SMPD4: variants seen among roughly 807,000 people sequenced by gnomAD.
SMPD4 encodes the protein neutral sphingomyelinase 3.
In SMPD4, 58 loss-of-function variants were observed where a neutral mutation model predicts 97.8. That is an observed-to-expected ratio of 0.59 (90% CI 0.48 to 0.74). SMPD4 has a LOEUF of 0.74. Among genes scored for constraint, SMPD4 ranks in the 30% least tolerant of loss-of-function variants. The probability of loss-of-function intolerance (pLI) is 0.00; values close to 1 mark genes in which losing one functional copy is unlikely to be tolerated. For synonymous variants in SMPD4, 388 were observed against 450.0 expected (o/e 0.86, Z 1.74); for missense variants, 853 against 1,080.5 (o/e 0.79, Z 2.95).
At chr2:130,181,629 G>A, upstream of SMPD4, 2 of 1,572,986 alleles carry the variant, frequency 1.3e-6, no homozygotes, top group Non-Finnish European at 1.7e-6. Flanking sequence ...CACGCCCCGC[G>A]GCCGGGCGGG....
At chr2:130,180,112 C>T (rs1321573683) in intron 1 of SMPD4, among the ~76,000 whole-genome samples, 1 of 150,636 alleles carries the variant, frequency 6.6e-6, no homozygotes, top group Non-Finnish European at 1.5e-5. Flanking sequence ...TACAGGCGCC[C>T]GCCACCACGC....
In SMPD4 at chr2:130,161,172, G is replaced by T. The variant is rs200317160; in HGVS notation, c.951+14C>A. Reference sequence around the variant, plus strand: ...GCACTCTGGGCAGGAGGAAGGGAACGAATGAGCCAGTACTTGGTAGGCGTG... The same window carrying T: ...GCACTCTGGGCAGGAGGAAGGGAACTAATGAGCCAGTACTTGGTAGGCGTG... On this transcript the variant is annotated intron_variant, in intron 11 of 19. Transcript: ENST00000680298. 6.2e-7 allele frequency: 1 copy of T among 1,611,380 alleles called. No homozygotes were observed. The highest frequency in any genetic ancestry group is 1.3e-5 in the African/African-American group (1 of 74,862).
chr2:130,157,503 C>T, intron 11 of SMPD4, 107 bp from the exon 12 acceptor site: 2 of 1,535,832 alleles, frequency 1.3e-6, no homozygotes, highest in East Asian at 2.4e-5. Context: ...TCTGCTGCCC[C>T]CACGGGAGGC....
intron 1 of SMPD4, 127 bp downstream of exon 1, chr2:130,181,403 C>G: frequency 6.8e-7 from 1 of 1,480,222 alleles, no homozygotes; most frequent in African/African-American, 1.4e-5. Flanking sequence ...GCCTGCCCTG[C>G]CTGGGCAGAG....
At position 130,164,384 on chromosome 2, in the gene SMPD4, G is replaced by A. The variant is rs776464452; in HGVS notation, c.854C>T (p.Pro285Leu). 4.3e-6 allele frequency: 7 copies of A among 1,614,016 alleles called. No homozygotes were observed. The Admixed American group carries it at 6.7e-5, about 15-fold the overall frequency. Residue 285 changes from proline (P) to leucine (L), a missense_variant, in exon 10 of 20, where the codon CCT becomes CTT. Physicochemically the swap from Pro to Leu is moderately conservative, Grantham distance 98. Transcript: ENST00000680298. ...AAACTGAAAACATACCTTGGCATGA[G>A]GGGACTGCATTTTTTGATACATCTC... The part of the protein sequence containing the change: ...SLEMYQKMQS[P>L]HAKLEVLHYR...
intron 8 of SMPD4, among the ~76,000 whole-genome samples, chr2:130,167,984 T>C (rs1688092721): frequency 6.6e-6 from 1 of 152,132 alleles, no homozygotes. Flanking sequence ...GAGGATTTCT[T>C]GAGGCCAGGC....
rs1322986698 is a variant in SMPD4 at position 130,153,093 on chromosome 2, C to T, written c.2104G>A (p.Ala702Thr). The change falls in exon 19 of 20, where the codon GCC becomes ACC. Residue 702 changes from alanine (A) to threonine (T), a missense_variant. Ala to Thr is a moderately conservative substitution (Grantham distance 58). This residue lies in a region of SMPD4 where 511 missense variants were observed against 608.1 expected (regional missense o/e 0.84). Coordinates refer to ENST00000680298, the MANE Select transcript of SMPD4 (RefSeq NM_017951.5). ...CTAAAGAGTGTGCGGACCAAGCTGG[C>T]GATCTCATAGCTCCGGATGGGCTGC... ...ELQPIRSYEI[A>T]SLVRTLFRLS... 3.7e-6 allele frequency: 6 copies of T among 1,613,434 alleles called. No individual in the cohort carries two copies. In the Admixed American group the frequency reaches 6.7e-5, roughly 18 times the overall value.
intron 11 of SMPD4, among the ~76,000 whole-genome samples, chr2:130,159,210 G>C (rs1687152143): frequency 6.6e-6 from 1 of 152,072 alleles, no homozygotes; most frequent in South Asian, 2.1e-4. Flanking sequence ...GCCCAGGCTG[G>C]TCTCAAACTC....
chr2:130,160,390 C>T (rs1377106661), intron 11 of SMPD4, among the ~76,000 whole-genome samples: 1 of 152,254 alleles, frequency 6.6e-6, no homozygotes, highest in Non-Finnish European at 1.5e-5. Context: ...GTGAATGGGA[C>T]AGATCACTGG....
chr2:130,153,553 G>C, intron 17 of SMPD4, 103 bp from the exon 18 acceptor site: 1 of 1,581,182 alleles, frequency 6.3e-7, no homozygotes, highest in Non-Finnish European at 8.6e-7. Context: ...ACCCAGCTAT[G>C]ACGCTCGGGG....
At chr2:130,167,057 G>A (rs139898525) in intron 9 of SMPD4, among the ~76,000 whole-genome samples, 4 of 152,110 alleles carry the variant, frequency 2.6e-5, no homozygotes, top group African/African-American at 9.7e-5. Flanking sequence ...AATCAGCCCC[G>A]GGCTGAGGGG....
At chr2:130,176,451 A>C (rs549935995) in intron 2 of SMPD4, 103 bp downstream of exon 2, 2 of 911,018 alleles carry the variant, frequency 2.2e-6, no homozygotes, top group East Asian at 5.2e-5. Flanking sequence ...GCCCCTAAAA[A>C]ACAACCACTA....
chr2:130,179,042 C>T (rs1689238136), intron 1 of SMPD4, among the ~76,000 whole-genome samples: 1 of 151,796 alleles, frequency 6.6e-6, no homozygotes, highest in Non-Finnish European at 1.5e-5. Flanking sequence ...GTAAAGAGGC[C>T]ATGTAGGCAG....
intron 1 of SMPD4, among the ~76,000 whole-genome samples, chr2:130,177,068 T>G (rs1327432970): frequency 6.6e-6 from 1 of 152,144 alleles, no homozygotes; most frequent in Non-Finnish European, 1.5e-5. Flanking sequence ...ACACATTACA[T>G]TGCCAATTCT....
At position 130,152,597 on chromosome 2, in the gene SMPD4, G is replaced by A; in HGVS notation, c.2442C>T (p.Ala814=). The A allele has an allele frequency of 1.7e-5, 26 of 1,550,976 alleles. No homozygotes were observed. The highest frequency in any genetic ancestry group is 2.3e-5 in the Non-Finnish European group (26 of 1,147,416). Reference sequence around the variant, plus strand: ...TCCCCCGCTCGGTCAGCAGTGTCATGGCAGAGGCGTAGAGGACATAGCCCA... The same window carrying A: ...TCCCCCGCTCGGTCAGCAGTGTCATAGCAGAGGCGTAGAGGACATAGCCCA... The part of the protein sequence containing the change: ...LTLGYVLYAS[A]MTLLTERGKL... Residue 814 remains alanine (A), a synonymous_variant, in exon 20 of 20, where the codon GCC becomes GCT. Transcript: ENST00000680298.
At chr2:130,161,304 G>T in intron 10 of SMPD4, 32 bp from the exon 11 acceptor site, 1 of 1,601,922 alleles carries the variant, frequency 6.2e-7, no homozygotes, top group South Asian at 1.1e-5. Flanking sequence ...TGCCGGAAGA[G>T]GCCGAAGAGC....
intron 11 of SMPD4, chr2:130,159,747 TCTC>T (rs1347805026): frequency 6.6e-6 from 1 of 152,086 alleles, no homozygotes; most frequent in African/African-American, 2.4e-5. Flanking sequence ...CCAGGGTCTT[TCTC>T]CTCCTCCAGT....
At position 130,172,390 on chromosome 2, in the gene SMPD4, G is replaced by A. The variant is rs1289091833; in HGVS notation, c.618C>T (p.Leu206=). 6.2e-7 allele frequency: 1 copy of A among 1,610,184 alleles called. No homozygotes were observed. The highest frequency in any genetic ancestry group is 8.5e-7 in the Non-Finnish European group (1 of 1,178,430). ...LPTEGSVPPP[L]SSSPGGTSPS... The stretch of plus-strand genomic sequence containing the variant: ...GGCTGGTCCCCCCTGGGCTGGAGGA[G>A]AGTGGTGGGGGCACACTGCCTTCGG... Residue 206 remains leucine (L), a synonymous_variant, in exon 8 of 20, where the codon CTC becomes CTT. Coordinates refer to ENST00000680298, the MANE Select transcript of SMPD4 (RefSeq NM_017951.5).
rs1380399569 is a variant in SMPD4, at chr2:130,152,827, G to A, written c.2212C>T (p.Arg738Cys). Residue 738 changes from arginine to cysteine, a missense_variant, in exon 20 of 20, where the codon CGC (arginine) becomes TGC (cysteine). Physicochemically the swap from Arg to Cys is radical, Grantham distance 180. Around this residue, in one of 3 missense-constraint regions of SMPD4, gnomAD observed 511 missense variants for 608.1 expected, o/e 0.84. Coordinates refer to ENST00000680298, the MANE Select transcript of SMPD4 (RefSeq NM_017951.5). ...SRDDFLGSFCRYHLTEPGLAS... is the reference protein window; with the variant it reads ...SRDDFLGSFCCYHLTEPGLAS... The stretch of plus-strand genomic sequence containing the variant: ...AGCCCAGGTTCTGTGAGGTGGTAGC[G>A]ACAGAAGCTGCCGAGGAAGTCATCC... 12 of 1,602,660 alleles carry A rather than the reference G, an allele frequency of 7.5e-6. No individual in the cohort carries two copies. The highest frequency in any genetic ancestry group is 2.7e-5 in the African/African-American group (2 of 74,544).
Sources: gnomAD v4.1 joint callset for allele counts (sites outside exome capture counted in the v4.1 genomes callset) on GRCh38, gnomAD v4.1.1 for gene constraint, gnomAD v4.1.1 regional missense constraint, MANE v1.5 for transcripts, NCBI Gene and HGNC (gene_info 2026-07-23, HGNC 2026-07-21) for gene names.